The following FHOD3 variants were observed in gnomAD, a reference collection of about 807,000 sequenced individuals.
The protein encoded by FHOD3 is FH1/FH2 domain-containing protein 3.
FHOD3 carries 90 observed loss-of-function variants against 173.0 expected under a neutral mutation model. The observed-to-expected ratio is 0.52, with a 90% CI of 0.44 to 0.62. The LOEUF (loss-of-function observed/expected upper bound fraction) is 0.62. Among genes scored for constraint, FHOD3 ranks in the 20% least tolerant of loss-of-function variants. FHOD3 has a pLI of 0.00. For synonymous variants in FHOD3, 828 were observed against 823.0 expected, an observed-to-expected ratio of 1.01 and a Z score of -0.10; for missense variants, 1,945 against 2,034.7, an observed-to-expected ratio of 0.96 and a Z score of 0.85.
chr18:36,760,299 T>C (rs1291933689), intron 26 of FHOD3, among the ~76,000 whole-genome samples: 1 of 152,238 alleles, frequency 6.6e-6, no homozygotes, highest in African/African-American at 2.4e-5. Flanking sequence ...TTTTAGACCT[T>C]CCCAGAGCCA....
chr18:36,705,947 CTGTGTGTGTGTGTGTG>C (rs3222016), intron 17 of FHOD3, among the ~76,000 whole-genome samples: 95 of 142,794 alleles, frequency 6.7e-4, no homozygotes, highest in Non-Finnish European at 7.6e-4. Context: ...TCAGAAGGAA[CTGTGTGTGTGTGTGTG>C]TGTGTGTGTG....
intron 10 of FHOD3, among the ~76,000 whole-genome samples, chr18:36,633,483 A>G (rs76599003): frequency 0.026 from 3,901 of 152,258 alleles, 176 homozygotes; most frequent in African/African-American, 0.09. Flanking sequence ...TTAACTTTGT[A>G]CTGGCTATTG....
chr18:36,704,292 G>A (rs1006189546), intron 17 of FHOD3, among the ~76,000 whole-genome samples: 5 of 152,202 alleles, frequency 3.3e-5, no homozygotes, highest in African/African-American at 7.2e-5. Context: ...AGACCCCATC[G>A]ATCTGCGCTC....
rs187119203 is a variant in FHOD3, at chr18:36,588,987, C to G, written c.607-5800C>G. On this transcript the variant is annotated intron_variant, in intron 6 of 28. Coordinates refer to ENST00000590592, the MANE Select transcript of FHOD3 (RefSeq NM_001281740.3). The stretch of plus-strand genomic sequence containing the variant: ...TATTTATGGAATATGGAGGTTCAAT[C>G]CCTGGACTGAGGCTTGACTTGACAA... Among the ~76,000 whole-genome samples the G allele has an allele frequency of 2.4e-3, 371 of 152,326 alleles. 3 individuals carry two copies. Among genetic ancestry groups the G allele is most frequent in the African/African-American group, 8.6e-3 (357 of 41,582 alleles).
At chr18:36,358,847 G>T (rs2046480792) in intron 2 of FHOD3, among the ~76,000 whole-genome samples, 1 of 151,998 alleles carries the variant, frequency 6.6e-6, no homozygotes, top group Non-Finnish European at 1.5e-5. Context: ...TGCCCAGGCT[G>T]GTCTGGAACT....
intron 3 of FHOD3, among the ~76,000 whole-genome samples, chr18:36,475,792 ACACG>A (rs1239809874): frequency 2.0e-5 from 3 of 149,160 alleles, no homozygotes; most frequent in Non-Finnish European, 3.0e-5. Flanking sequence ...ACACACACAC[ACACG>A]CATACATACA....
intron 3 of FHOD3, among the ~76,000 whole-genome samples, chr18:36,455,711 G>A (rs756453981): frequency 6.6e-6 from 1 of 152,080 alleles, no homozygotes; most frequent in African/African-American, 2.4e-5. Flanking sequence ...CAGGCTCTGA[G>A]GTGAGTTAAC....
chr18:36,611,959 C>T lies in FHOD3; in HGVS notation c.821C>T (p.Ser274Leu), dbSNP rs1297832747. ...YAMTLVNKTL[S>L]GLPDQDTFYD... The stretch of plus-strand genomic sequence containing the variant: ...GTTCTTCTCTTCTTCCAGACGTTAT[C>T]AGGACTACCAGACCAAGACACCTTC... Residue 274 changes from serine (S) to leucine (L), a missense_variant, in exon 9 of 29, where the codon TCA becomes TTA. Ser to Leu is a moderately radical substitution (Grantham distance 145). This residue lies in a region of FHOD3 where 1,099 missense variants were observed against 1,051.2 expected (regional missense o/e 1.05). Transcript: ENST00000590592. 2 of 1,613,592 alleles carry T rather than the reference C, an allele frequency of 1.2e-6. No homozygotes were observed. Among genetic ancestry groups the T allele is most frequent in the Non-Finnish European group, 1.7e-6 (2 of 1,179,808 alleles).
At chr18:36,425,599 A>T (rs2050199034) in intron 3 of FHOD3, among the ~76,000 whole-genome samples, 1 of 152,224 alleles carries the variant, frequency 6.6e-6, no homozygotes, top group African/African-American at 2.4e-5. Context: ...AAGAGACCCC[A>T]ACAGTGGCGC....
At chr18:36,674,784 C>A (rs1049498032) in intron 14 of FHOD3, among the ~76,000 whole-genome samples, 5 of 152,084 alleles carry the variant, frequency 3.3e-5, no homozygotes, top group Non-Finnish European at 4.4e-5. Flanking sequence ...TGAAGACAAA[C>A]ATGTAAAGCT....
intron 3 of FHOD3, among the ~76,000 whole-genome samples, chr18:36,495,050 C>A (rs887055345): frequency 5.9e-5 from 9 of 152,072 alleles, no homozygotes; most frequent in African/African-American, 2.2e-4. Flanking sequence ...TCAAGCAGTC[C>A]TCCCACCTCA....
intron 3 of FHOD3, among the ~76,000 whole-genome samples, chr18:36,468,787 G>A (rs2053104284): frequency 2.0e-5 from 3 of 152,142 alleles, no homozygotes; most frequent in Admixed American, 2.0e-4. Context: ...TGCTGTGGCT[G>A]CCACCTTGTG....
At chr18:36,739,452 T>C (rs1369735521) in intron 20 of FHOD3, among the ~76,000 whole-genome samples, 1 of 152,214 alleles carries the variant, frequency 6.6e-6, no homozygotes, top group African/African-American at 2.4e-5. Context: ...CATCCCAGGC[T>C]AAGTCCCAGT....
intron 3 of FHOD3, among the ~76,000 whole-genome samples, chr18:36,468,317 A>G (rs1465686451): frequency 2.6e-5 from 4 of 152,126 alleles, no homozygotes; most frequent in Non-Finnish European, 5.9e-5. Flanking sequence ...GTTACGGAAA[A>G]ATGTGGCACT....
chr18:36,393,300 A>G (rs1181079981), intron 3 of FHOD3, among the ~76,000 whole-genome samples: 1 of 152,186 alleles, frequency 6.6e-6, no homozygotes, highest in Admixed American at 6.5e-5. Flanking sequence ...TCTTCTGGAC[A>G]CTTTCTCTTT....
intron 11 of FHOD3, 26 bp downstream of exon 11, chr18:36,649,431 C>A: frequency 6.6e-7 from 1 of 1,513,354 alleles, no homozygotes; most frequent in Non-Finnish European, 8.9e-7. Context: ...GCCTCCCAAG[C>A]TCACACTAAA....
At chr18:36,393,271 CT>C (rs1019881650) in intron 3 of FHOD3, among the ~76,000 whole-genome samples, 3 of 152,202 alleles carry the variant, frequency 2.0e-5, no homozygotes, top group Non-Finnish European at 4.4e-5. Context: ...ATTTCCATCA[CT>C]GCATTTAGGG....
At chr18:36,602,459 G>T (rs1294654755) in intron 7 of FHOD3, among the ~76,000 whole-genome samples, 1 of 152,152 alleles carries the variant, frequency 6.6e-6, no homozygotes. Context: ...CTTGCCAAAA[G>T]GACAAAGATG....
chr18:36,779,534 T>C lies in FHOD3; in HGVS notation c.*4T>C, dbSNP rs751628498. 6.2e-6 allele frequency: 10 copies of C among 1,613,724 alleles called. No homozygotes were observed. Among genetic ancestry groups the C allele is most frequent in the Non-Finnish European group, 7.6e-6 (9 of 1,179,810 alleles). On this transcript the variant is annotated 3_prime_UTR_variant, in exon 29 of 29. Coordinates refer to ENST00000590592, the MANE Select transcript of FHOD3 (RefSeq NM_001281740.3). ...CACCTCGGAGTTGCAGCTGTGACAC[T>C]CATAGGTTACTCCCAGGAGTGTGCT...
Sources: gnomAD v4.1 joint callset for allele counts (sites outside exome capture counted in the v4.1 genomes callset) on GRCh38, gnomAD v4.1.1 for gene constraint, gnomAD v4.1.1 regional missense constraint, MANE v1.5 for transcripts, NCBI Gene and HGNC (gene_info 2026-07-23, HGNC 2026-07-21) for gene names.